Variants in ANKFN1 observed in about 807,000 individuals in gnomAD.
The protein encoded by ANKFN1 is ankyrin repeat and fibronectin type-III domain-containing protein 1.
A neutral mutation model predicts 108.7 loss-of-function variants in ANKFN1; 74 were observed. The observed-to-expected ratio is 0.68, with a 90% CI of 0.56 to 0.83. The LOEUF is 0.83. Among genes scored for constraint, ANKFN1 ranks in the 40% least tolerant of loss-of-function variants. The pLI, the probability that ANKFN1 is intolerant of heterozygous loss-of-function variation, is 0.00. For missense variants in ANKFN1, 1,505 were observed against 1,382.3 expected (o/e 1.09, Z -1.41); for synonymous variants, 547 against 516.2 (o/e 1.06, Z -0.81).
intron 8 of ANKFN1, among the ~76,000 whole-genome samples, chr17:56,381,927 T>C (rs1329428588): frequency 6.6e-6 from 1 of 151,850 alleles, no homozygotes; most frequent in Non-Finnish European, 1.5e-5. Context: ...ATTCAGGAAA[T>C]ACAGAGAACG....
intron 4 of ANKFN1, among the ~76,000 whole-genome samples, chr17:56,340,138 C>G (rs1268368171): frequency 6.6e-6 from 1 of 152,104 alleles, no homozygotes; most frequent in Non-Finnish European, 1.5e-5. Flanking sequence ...GTCCTTTGCC[C>G]ACTTTTTGAT....
rs567210656 is a variant in ANKFN1, at chr17:56,512,480, A to C, written c.*1211A>C. Among the ~76,000 whole-genome samples, 1 of 152,310 alleles carries C rather than the reference A, an allele frequency of 6.6e-6. No homozygotes were observed. Among genetic ancestry groups the C allele is most frequent in the African/African-American group, 2.4e-5 (1 of 41,570 alleles). On this transcript the variant is annotated 3_prime_UTR_variant, in exon 21 of 21. Coordinates refer to ENST00000682825, the MANE Select transcript of ANKFN1 (RefSeq NM_001370326.1). ...GGTTAATTCCAAGGATGTGCTAAAA[A>C]CATCTGGAAATCTTGCTTTGGTCTC...
intron 3 of ANKFN1, among the ~76,000 whole-genome samples, chr17:56,308,395 A>G (rs143247953): frequency 1.3e-5 from 2 of 152,178 alleles, no homozygotes; most frequent in East Asian, 3.9e-4. Flanking sequence ...TTGTATGTTC[A>G]TCTCGTATCT....
intron 3 of ANKFN1, among the ~76,000 whole-genome samples, chr17:56,257,344 G>C (rs1176082963): frequency 2.0e-5 from 3 of 152,194 alleles, no homozygotes; most frequent in Non-Finnish European, 1.5e-5. Flanking sequence ...CCTTGCCTTT[G>C]GCTGCAGATG....
At chr17:56,481,991 G>T (rs2050722502) in intron 17 of ANKFN1, among the ~76,000 whole-genome samples, 2 of 151,776 alleles carry the variant, frequency 1.3e-5, no homozygotes, top group Admixed American at 1.3e-4. Context: ...TCAGTCCTTG[G>T]CCAGAAACTA....
At chr17:56,281,055 G>A (rs999099875) in intron 3 of ANKFN1, among the ~76,000 whole-genome samples, 2 of 152,178 alleles carry the variant, frequency 1.3e-5, no homozygotes, top group African/African-American at 2.4e-5. Flanking sequence ...GGCCTCCCCA[G>A]CCATGTGGAA....
At chr17:56,481,224 A>T (rs917228151) in intron 17 of ANKFN1, among the ~76,000 whole-genome samples, 1 of 152,166 alleles carries the variant, frequency 6.6e-6, no homozygotes, top group East Asian at 1.9e-4. Flanking sequence ...GAATAGAAGG[A>T]TAACGGTGGT....
At position 56,419,496 on chromosome 17, in the gene ANKFN1, A is replaced by G. The variant is rs115869191; in HGVS notation, c.911-20831A>G. Among the ~76,000 whole-genome samples the G allele has an allele frequency of 9.5e-3, 1,420 of 150,152 alleles. 16 individuals carry two copies. Among genetic ancestry groups the G allele is most frequent in the African/African-American group, 0.032 (1,291 of 40,822 alleles). ...GAAACTCCATCTCAAAAAAAAAAAA[A>G]AGAGATATAAATTTGGGTCAAGTAT... is the stretch of plus-strand genomic sequence containing the variant. On this transcript the variant is annotated intron_variant, in intron 8 of 20. Transcript: ENST00000682825.
intron 3 of ANKFN1, among the ~76,000 whole-genome samples, chr17:56,292,924 A>C (rs1452160435): frequency 6.6e-6 from 1 of 152,218 alleles, no homozygotes; most frequent in Admixed American, 6.5e-5. Flanking sequence ...TCCAGCTGAA[A>C]TCTAATAACT....
chr17:56,346,422 C>T (rs2046101572), intron 4 of ANKFN1, among the ~76,000 whole-genome samples: 1 of 151,796 alleles, frequency 6.6e-6, no homozygotes, highest in South Asian at 2.1e-4. Context: ...CTAATTCTGC[C>T]AAGAAAGTCA....
At chr17:56,164,255 T>C (rs1598163809) in intron 1 of ANKFN1, among the ~76,000 whole-genome samples, 1 of 152,334 alleles carries the variant, frequency 6.6e-6, no homozygotes, top group East Asian at 1.9e-4. Context: ...AGATGACTTC[T>C]ACTCATGTGT....
chr17:56,419,425 G>C (rs1267533473), intron 8 of ANKFN1, among the ~76,000 whole-genome samples: 1 of 151,680 alleles, frequency 6.6e-6, no homozygotes, highest in Non-Finnish European at 1.5e-5. Flanking sequence ...GGAGGCTGCA[G>C]TGAGCCGAGA....
At chr17:56,191,914 T>A (rs1352708583) in intron 1 of ANKFN1, among the ~76,000 whole-genome samples, 5 of 151,490 alleles carry the variant, frequency 3.3e-5, no homozygotes, top group African/African-American at 9.7e-5. Flanking sequence ...TGCTCATTTC[T>A]TTTTATTCTT....
chr17:56,456,401 C>CTTTTTTTTTTTTT (rs397713657), intron 11 of ANKFN1, among the ~76,000 whole-genome samples: 1 of 115,478 alleles, frequency 8.7e-6, no homozygotes, highest in Non-Finnish European at 1.7e-5. Context: ...CTTTTTTTCT[C>CTTTTTTTTTTTTT]TTTTTTTTTT....
chr17:56,174,425 A>C (rs1190324569), intron 1 of ANKFN1: 1 of 984,860 alleles, frequency 1.0e-6, no homozygotes, highest in African/African-American at 1.7e-5. Context: ...TCTTCCAAGC[A>C]GTGATCTTTT....
At chr17:56,320,116 G>T (rs1246050920) in intron 3 of ANKFN1, among the ~76,000 whole-genome samples, 1 of 152,144 alleles carries the variant, frequency 6.6e-6, no homozygotes, top group African/African-American at 2.4e-5. Flanking sequence ...TAGAGTGTGA[G>T]AATTCAGAGA....
In ANKFN1 at chr17:56,158,672, G is replaced by A. The variant is rs185365759; in HGVS notation, c.-71+5142G>A. ...ACAACACAGCATGTGGGGAGGGAGG[G>A]GATGTTATAGAGGAGCCTATGCTGA... On this transcript the variant is annotated intron_variant, in intron 1 of 20. Coordinates refer to ENST00000682825, the MANE Select transcript of ANKFN1 (RefSeq NM_001370326.1). Among the ~76,000 whole-genome samples, 164 of 152,206 alleles carry A rather than the reference G, an allele frequency of 1.1e-3. 1 individual carries two copies. Among genetic ancestry groups the A allele is most frequent in the Non-Finnish European group, 2.0e-3 (133 of 68,006 alleles).
chr17:56,418,840 G>A (rs1268516068), intron 8 of ANKFN1, among the ~76,000 whole-genome samples: 2 of 151,578 alleles, frequency 1.3e-5, no homozygotes, highest in African/African-American at 2.4e-5. Flanking sequence ...CAGAGAGTCC[G>A]AAGCCTAGGC....
intron 3 of ANKFN1, among the ~76,000 whole-genome samples, chr17:56,256,003 A>G (rs554345741): frequency 3.3e-5 from 5 of 152,232 alleles, no homozygotes; most frequent in South Asian, 2.1e-4. Context: ...GCAAAACTCT[A>G]TATCTATTTT....
Sources: gnomAD v4.1 joint callset for allele counts (sites outside exome capture counted in the v4.1 genomes callset) on GRCh38, gnomAD v4.1.1 for gene constraint, MANE v1.5 for transcripts, NCBI Gene and HGNC (gene_info 2026-07-23, HGNC 2026-07-21) for gene names.